CDH18: variants seen among roughly 807,000 people sequenced by gnomAD.
The protein encoded by CDH18 is cadherin 18.
CDH18 carries 31 observed loss-of-function variants against 67.9 expected under a neutral mutation model. The observed-to-expected ratio is 0.46, with a 90% CI of 0.34 to 0.62. The LOEUF is 0.62. Among genes scored for constraint, CDH18 ranks in the 20% least tolerant of loss-of-function variants. CDH18 has a pLI of 0.01. For missense variants in CDH18, 890 were observed against 975.5 expected (o/e 0.91, Z 1.17); for synonymous variants, 362 against 347.2 (o/e 1.04, Z -0.48).
At chr5:19,506,777 G>A (rs1292252163) in intron 10 of CDH18, among the ~76,000 whole-genome samples, 3 of 152,276 alleles carry the variant, frequency 2.0e-5, no homozygotes, top group South Asian at 2.1e-4. Context: ...AGACTTAAAT[G>A]TTTGACCTAA....
At chr5:19,664,335 C>T (rs919433583) in intron 5 of CDH18, among the ~76,000 whole-genome samples, 1 of 151,846 alleles carries the variant, frequency 6.6e-6, no homozygotes, top group Non-Finnish European at 1.5e-5. Context: ...TAGAAGCACT[C>T]TATAAACTCA....
At chr5:20,209,108 G>A (rs533861135) in intron 2 of CDH18, among the ~76,000 whole-genome samples, 1 of 152,166 alleles carries the variant, frequency 6.6e-6, no homozygotes, top group South Asian at 2.1e-4. Context: ...CAAGAACATG[G>A]TGGTGAGGCT....
chr5:19,808,554 G>A (rs767965246), intron 3 of CDH18, among the ~76,000 whole-genome samples: 1 of 151,930 alleles, frequency 6.6e-6, no homozygotes, highest in Non-Finnish European at 1.5e-5. Flanking sequence ...GCCTGGATGC[G>A]GTGGCTCACG....
chr5:19,989,391 A>G (rs944077048), upstream of CDH18, among the ~76,000 whole-genome samples: 1 of 152,212 alleles, frequency 6.6e-6, no homozygotes, highest in Non-Finnish European at 1.5e-5. Flanking sequence ...AGGGTGTACA[A>G]GCTCTAAAGG....
At chr5:20,562,508 T>C (rs955011585) in intron 1 of CDH18, among the ~76,000 whole-genome samples, 6 of 151,730 alleles carry the variant, frequency 4.0e-5, no homozygotes, top group African/African-American at 1.4e-4. Flanking sequence ...CTGAATACTG[T>C]ATATGATAAA....
intron 2 of CDH18, among the ~76,000 whole-genome samples, chr5:20,125,840 C>T (rs1261108731): frequency 6.6e-6 from 1 of 151,934 alleles, no homozygotes; most frequent in East Asian, 1.9e-4. Flanking sequence ...CTCAATACCA[C>T]AACCTCTTCA....
chr5:20,228,162 AT>A (rs887772866), intron 2 of CDH18, among the ~76,000 whole-genome samples: 3 of 151,922 alleles, frequency 2.0e-5, no homozygotes, highest in African/African-American at 7.2e-5. Flanking sequence ...CTTTTTTGTC[AT>A]TCCTTATCAA....
intron 3 of CDH18, among the ~76,000 whole-genome samples, chr5:19,753,687 A>G (rs968510762): frequency 2.6e-5 from 4 of 152,202 alleles, no homozygotes; most frequent in Admixed American, 6.5e-5. Context: ...TAGGTCATCT[A>G]AAGTTACGAC....
At chr5:19,627,144 G>T (rs2150164051) in intron 5 of CDH18, among the ~76,000 whole-genome samples, 1 of 152,274 alleles carries the variant, frequency 6.6e-6, no homozygotes, top group Non-Finnish European at 1.5e-5. Flanking sequence ...AGTGGCAGTG[G>T]ATGTATTGAT....
At chr5:20,280,669 T>C (rs182532449) in intron 1 of CDH18, among the ~76,000 whole-genome samples, 1 of 152,188 alleles carries the variant, frequency 6.6e-6, no homozygotes, top group Non-Finnish European at 1.5e-5. Flanking sequence ...AATAAACATA[T>C]GTGTGCATGT....
At chr5:20,465,935 A>G (rs1392756626) in intron 1 of CDH18, among the ~76,000 whole-genome samples, 2 of 152,064 alleles carry the variant, frequency 1.3e-5, no homozygotes, top group East Asian at 3.8e-4. Flanking sequence ...AACTAAGGTG[A>G]CAAACTATGT....
intron 1 of CDH18, among the ~76,000 whole-genome samples, chr5:20,432,921 T>C (rs956019517): frequency 8.7e-5 from 13 of 148,594 alleles, no homozygotes; most frequent in Non-Finnish European, 1.6e-4. Flanking sequence ...TTAGGCCTCT[T>C]ATAGATATAA....
intron 2 of CDH18, among the ~76,000 whole-genome samples, chr5:20,089,810 T>C (rs1745271502): frequency 6.6e-6 from 1 of 152,174 alleles, no homozygotes; most frequent in African/African-American, 2.4e-5. Context: ...TCTGAAATAC[T>C]TTGTGTTATT....
At chr5:20,313,355 G>A (rs75557471) in intron 1 of CDH18, among the ~76,000 whole-genome samples, 5,742 of 152,076 alleles carry the variant, frequency 0.038, 268 homozygotes, top group African/African-American at 0.11. Context: ...CTGGGATAGA[G>A]ACTGATTTTT....
At chr5:20,081,170 T>G (rs773763503) in intron 2 of CDH18, among the ~76,000 whole-genome samples, 8 of 152,108 alleles carry the variant, frequency 5.3e-5, no homozygotes, top group Non-Finnish European at 1.2e-4. Context: ...TTTTGGTAAC[T>G]TCATTTTATT....
chr5:20,433,970 A>G (rs1471910232), intron 1 of CDH18, among the ~76,000 whole-genome samples: 3 of 152,102 alleles, frequency 2.0e-5, no homozygotes, highest in African/African-American at 4.8e-5. Flanking sequence ...GTGAAAGTTC[A>G]TGAAGAGTAA....
intron 5 of CDH18, among the ~76,000 whole-genome samples, chr5:19,689,520 A>T (rs529953393): frequency 1.3e-5 from 2 of 152,122 alleles, no homozygotes; most frequent in South Asian, 4.1e-4. Context: ...TCCCTACAAG[A>T]AATGTTTAAG....
chr5:20,047,610 T>TAGTC (rs2150484038), intron 2 of CDH18, among the ~76,000 whole-genome samples: 1 of 151,924 alleles, frequency 6.6e-6, no homozygotes, highest in East Asian at 1.9e-4. Context: ...TGCTTTCAGA[T>TAGTC]AGTCTATTGT....
chr5:20,260,988 A>G (rs115722392), intron 1 of CDH18, among the ~76,000 whole-genome samples: 92 of 152,320 alleles, frequency 6.0e-4, no homozygotes, highest in African/African-American at 2.1e-3. Context: ...TCAGGCCTAC[A>G]GGCCTGATTT....
Sources: allele counts gnomAD v4.1 joint callset (sites outside exome capture counted in the v4.1 genomes callset), GRCh38; gene constraint gnomAD v4.1.1; transcripts MANE v1.5; gene names NCBI Gene and HGNC (gene_info 2026-07-23, HGNC 2026-07-21).